NKAIN2: variants seen among roughly 807,000 people sequenced by gnomAD.
The protein encoded by NKAIN2 is sodium/potassium-transporting ATPase subunit beta-1-interacting protein 2.
A neutral mutation model predicts 32.6 loss-of-function variants in NKAIN2; 14 were observed. The observed-to-expected ratio is 0.43, with a 90% CI of 0.28 to 0.67. The LOEUF (loss-of-function observed/expected upper bound fraction) is 0.67. NKAIN2 is among the 30% of genes least tolerant of loss of function. The pLI is 0.17. For synonymous variants in NKAIN2, 80 were observed against 87.2 expected (o/e 0.92, Z 0.46); for missense variants, 198 against 258.3 (o/e 0.77, Z 1.60).
intron 3 of NKAIN2, chr6:124,437,907 C>T (rs332614): frequency 0.16 from 60,421 of 370,412 alleles, 5,649 homozygotes; most frequent in African/African-American, 0.27. Flanking sequence ...CCCCAGGTAA[C>T]GGTCTGATGG....
At chr6:124,145,903 CAT>C (rs1237991489) in intron 1 of NKAIN2, among the ~76,000 whole-genome samples, 1 of 152,044 alleles carries the variant, frequency 6.6e-6, no homozygotes, top group African/African-American at 2.4e-5. Context: ...TGAAAGGAAA[CAT>C]GAGGGATCCT....
At chr6:124,163,838 G>A (rs1423418874) in intron 1 of NKAIN2, among the ~76,000 whole-genome samples, 5 of 151,986 alleles carry the variant, frequency 3.3e-5, no homozygotes, top group African/African-American at 9.7e-5. Context: ...TCAGTTATAG[G>A]AAAGATTTAA....
At chr6:123,922,187 C>A (rs1473602739) in intron 1 of NKAIN2, among the ~76,000 whole-genome samples, 1 of 152,112 alleles carries the variant, frequency 6.6e-6, no homozygotes, top group Admixed American at 6.6e-5. Context: ...GGTTGATAGG[C>A]AACTTATTTA....
At chr6:124,802,666 G>A (rs573541036) in intron 5 of NKAIN2, among the ~76,000 whole-genome samples, 100 of 152,018 alleles carry the variant, frequency 6.6e-4, no homozygotes, top group African/African-American at 1.9e-3. Context: ...TCCCTTCATC[G>A]TGGATCACCT....
chr6:124,709,974 A>G (rs1250457682), intron 4 of NKAIN2, among the ~76,000 whole-genome samples: 4 of 152,106 alleles, frequency 2.6e-5, no homozygotes, highest in Non-Finnish European at 5.9e-5. Context: ...ATTTAGTGCT[A>G]TAAATTTCCC....
chr6:124,649,595 A>G (rs1478225915), intron 3 of NKAIN2, among the ~76,000 whole-genome samples: 2 of 152,202 alleles, frequency 1.3e-5, no homozygotes, highest in Admixed American at 1.3e-4. Flanking sequence ...CAGAGACACT[A>G]ACTTCGTAAC....
chr6:124,530,318 A>G (rs868561080), intron 3 of NKAIN2, among the ~76,000 whole-genome samples: 30 of 152,312 alleles, frequency 2.0e-4, no homozygotes, highest in African/African-American at 7.0e-4. Flanking sequence ...TAAAGAAGAG[A>G]AAATATATTT....
chr6:124,528,693 T>C (rs1779409779), intron 3 of NKAIN2, among the ~76,000 whole-genome samples: 3 of 152,214 alleles, frequency 2.0e-5, no homozygotes. Context: ...AAAAAACAAG[T>C]ATGTAAAAAT....
At chr6:123,816,838 C>T (rs530892833) in intron 1 of NKAIN2, among the ~76,000 whole-genome samples, 93 of 152,190 alleles carry the variant, frequency 6.1e-4, no homozygotes, top group South Asian at 1.2e-3. Context: ...TCATGGATGA[C>T]GCAAGGCCCT....
At chr6:124,155,584 G>A (rs2114417548) in intron 1 of NKAIN2, among the ~76,000 whole-genome samples, 1 of 151,662 alleles carries the variant, frequency 6.6e-6, no homozygotes, top group South Asian at 2.1e-4. Context: ...ACATATGTGT[G>A]TAATATATGC....
chr6:124,753,898 C>T (rs943305079), intron 4 of NKAIN2, among the ~76,000 whole-genome samples: 1 of 151,976 alleles, frequency 6.6e-6, no homozygotes, highest in African/African-American at 2.4e-5. Flanking sequence ...ATTAGAAGTC[C>T]TTTTGTTTGA....
At chr6:124,330,706 C>A (rs1194370039) in intron 2 of NKAIN2, among the ~76,000 whole-genome samples, 1 of 152,150 alleles carries the variant, frequency 6.6e-6, no homozygotes, top group Non-Finnish European at 1.5e-5. Context: ...CAGTAGAGGT[C>A]CCCAACCCCG....
intron 4 of NKAIN2, among the ~76,000 whole-genome samples, chr6:124,683,636 G>A (rs1007328188): frequency 9.2e-5 from 14 of 152,196 alleles, no homozygotes; most frequent in South Asian, 4.1e-4. Flanking sequence ...ACCAGTGTGC[G>A]TGCTTGACTA....
At chr6:124,238,470 A>G (rs1792895372) in intron 1 of NKAIN2, among the ~76,000 whole-genome samples, 4 of 152,132 alleles carry the variant, frequency 2.6e-5, no homozygotes, top group Non-Finnish European at 2.9e-5. Flanking sequence ...TAGAAGTCAC[A>G]TTCTTAGAGG....
chr6:124,542,057 A>C (rs895415889), intron 3 of NKAIN2, among the ~76,000 whole-genome samples: 1 of 152,176 alleles, frequency 6.6e-6, no homozygotes, highest in African/African-American at 2.4e-5. Flanking sequence ...ATTAAATTTT[A>C]GTACATGAAA....
chr6:123,839,632 A>G (rs1412705926), intron 1 of NKAIN2, among the ~76,000 whole-genome samples: 1 of 152,082 alleles, frequency 6.6e-6, no homozygotes, highest in Admixed American at 6.6e-5. Flanking sequence ...TCTCCCACCT[A>G]CTTTTTCTTT....
chr6:124,799,008 A>G (rs1780136113), intron 5 of NKAIN2, among the ~76,000 whole-genome samples: 1 of 152,224 alleles, frequency 6.6e-6, no homozygotes, highest in Non-Finnish European at 1.5e-5. Context: ...CCTTTATGGA[A>G]ACTGCCAAGG....
chr6:124,797,275 A>T (rs1780044446), intron 5 of NKAIN2, among the ~76,000 whole-genome samples: 1 of 152,104 alleles, frequency 6.6e-6, no homozygotes, highest in Admixed American at 6.6e-5. Context: ...TTAAACTAAA[A>T]CTAAATGTTG....
intron 1 of NKAIN2, among the ~76,000 whole-genome samples, chr6:124,034,786 T>G (rs1205976226): frequency 6.6e-6 from 1 of 152,108 alleles, no homozygotes; most frequent in Non-Finnish European, 1.5e-5. Context: ...ACACCTGTTA[T>G]GTTTTGACTT....
Sources: allele counts gnomAD v4.1 joint callset (sites outside exome capture counted in the v4.1 genomes callset), GRCh38; gene constraint gnomAD v4.1.1; transcripts MANE v1.5; gene names NCBI Gene and HGNC (gene_info 2026-07-23, HGNC 2026-07-21).